The following SEZ6L variants were observed in gnomAD, a reference collection of about 807,000 sequenced individuals.
The protein encoded by SEZ6L is seizure related 6 homolog like.
Under a neutral mutation model 106.2 loss-of-function variants are expected in SEZ6L, and 37 were observed. That is an observed-to-expected ratio of 0.35 (90% confidence interval 0.27 to 0.46). SEZ6L has a LOEUF of 0.46. Among genes scored for constraint, SEZ6L ranks in the 20% least tolerant of loss-of-function variants. The probability of loss-of-function intolerance (pLI) is 1.00; values close to 1 mark genes in which losing one functional copy is unlikely to be tolerated. For synonymous variants in SEZ6L, 541 were observed against 570.4 expected (o/e 0.95, Z 0.73); for missense variants, 1,172 against 1,332.8 (o/e 0.88, Z 1.88).
intron 1 of SEZ6L, among the ~76,000 whole-genome samples, chr22:26,186,211 G>A (rs567074062): frequency 1.3e-5 from 2 of 152,220 alleles, no homozygotes; most frequent in East Asian, 1.9e-4. Context: ...GGCTTGGCCA[G>A]AGATAAGTCC....
rs1010937310 is a variant in SEZ6L at position 26,306,282 on chromosome 22, G to T, written c.1514+138G>T. ...AAGAAGAGCTGGGGTGGATGGCAAA[G>T]ATCTTAGACACCATCAGCTTCAATC... is the stretch of plus-strand genomic sequence containing the variant. On this transcript the variant is annotated intron_variant, in intron 6 of 16. Transcript: ENST00000248933. 89 of 929,796 alleles carry T rather than the reference G, an allele frequency of 9.6e-5. 2 individuals are homozygous for T. In the Admixed American group the frequency reaches 1.4e-3, roughly 15 times the overall value. 57.6% of individuals were successfully genotyped at this position (929,796 alleles called of 1,614,324 possible).
intron 5 of SEZ6L, among the ~76,000 whole-genome samples, chr22:26,304,369 G>GAAGAAAAAGA (rs1556332060): frequency 3.1e-5 from 3 of 98,304 alleles, no homozygotes; most frequent in African/African-American, 8.8e-5. Flanking sequence ...AAAAAAGAAA[G>GAAGAAAAAGA]AAGAAAGAAA....
At chr22:26,337,043 C>T (rs1298751011) in intron 9 of SEZ6L, among the ~76,000 whole-genome samples, 1 of 152,152 alleles carries the variant, frequency 6.6e-6, no homozygotes. Context: ...TGCCCAGGTG[C>T]TAATGCTGAA....
At chr22:26,332,453 A>ATTT (rs368247917) in intron 9 of SEZ6L, among the ~76,000 whole-genome samples, 36 of 145,968 alleles carry the variant, frequency 2.5e-4, no homozygotes, top group East Asian at 8.1e-4. Context: ...CCCAGTCCAG[A>ATTT]TTTTTTTTTT....
chr22:26,339,957 G>A (rs956381369), intron 9 of SEZ6L, among the ~76,000 whole-genome samples: 7 of 152,144 alleles, frequency 4.6e-5, no homozygotes, highest in Non-Finnish European at 8.8e-5. Flanking sequence ...ACTGACGGCC[G>A]GGCACAGTGA....
intron 13 of SEZ6L, among the ~76,000 whole-genome samples, chr22:26,372,885 T>C (rs1159909485): frequency 6.6e-6 from 1 of 152,240 alleles, no homozygotes; most frequent in African/African-American, 2.4e-5. Context: ...GGAAAACAGT[T>C]CCACCTCTGG....
At chr22:26,273,282 C>T (rs1473799058) in intron 1 of SEZ6L, among the ~76,000 whole-genome samples, 2 of 152,274 alleles carry the variant, frequency 1.3e-5, no homozygotes, top group Non-Finnish European at 2.9e-5. Flanking sequence ...GGCATCATGC[C>T]TGTGAAGGGG....
intron 1 of SEZ6L, among the ~76,000 whole-genome samples, chr22:26,189,541 A>C (rs1940030841): frequency 5.9e-5 from 9 of 152,248 alleles, no homozygotes; most frequent in Admixed American, 5.9e-4. Context: ...ATGATAGAAA[A>C]TAATACAAAC....
At chr22:26,229,726 C>A (rs908184548) in intron 1 of SEZ6L, among the ~76,000 whole-genome samples, 1 of 152,066 alleles carries the variant, frequency 6.6e-6, no homozygotes, top group Admixed American at 6.5e-5. Flanking sequence ...GGGGATGGGA[C>A]CTGGAAGCAG....
chr22:26,305,883 C>G, intron 5 of SEZ6L, 96 bp from the exon 6 acceptor site: 2,536 of 1,122,920 alleles, frequency 2.3e-3, no homozygotes, highest in Non-Finnish European at 2.9e-3. Flanking sequence ...GAAACACTCA[C>G]TTCCTTCTCT....
intron 2 of SEZ6L, 107 bp downstream of exon 2, chr22:26,293,253 A>C: frequency 7.8e-6 from 11 of 1,403,286 alleles, no homozygotes; most frequent in Non-Finnish European, 1.0e-5. Context: ...CCCCACCATC[A>C]GTTACCGTCC....
At chr22:26,191,398 T>C (rs1424401135) in intron 1 of SEZ6L, among the ~76,000 whole-genome samples, 1 of 152,194 alleles carries the variant, frequency 6.6e-6, no homozygotes, top group African/African-American at 2.4e-5. Context: ...TGGAATACTA[T>C]GCAGCCATAA....
intron 9 of SEZ6L, among the ~76,000 whole-genome samples, chr22:26,333,455 C>T (rs544385011): frequency 6.6e-6 from 1 of 152,294 alleles, no homozygotes; most frequent in Non-Finnish European, 1.5e-5. Flanking sequence ...GCAGCCAGGG[C>T]ACTGGCTGAG....
chr22:26,304,265 T>C (rs1277612510), intron 5 of SEZ6L, among the ~76,000 whole-genome samples: 2 of 151,258 alleles, frequency 1.3e-5, no homozygotes, highest in African/African-American at 2.4e-5. Context: ...GGCAGGAGAA[T>C]CACTTGAACC....
rs71695224 is a variant in SEZ6L at position 26,314,597 on chromosome 22, G to GA, written c.2015+703dup. Among the ~76,000 whole-genome samples the GA allele has an allele frequency of 5.3e-3, 806 of 152,016 alleles. 2 individuals carry two copies. The highest frequency in any genetic ancestry group is 0.011 in the African/African-American group (451 of 41,422). ...GATGCTCAGGAAATGATTGCTGAAT[G>GA]AAAAAAAATGTTTTTAATGAACGGA... On this transcript the variant is annotated intron_variant, in intron 9 of 16. Transcript: ENST00000248933.
At chr22:26,289,582 A>G (rs1184274969) in intron 1 of SEZ6L, among the ~76,000 whole-genome samples, 3 of 152,194 alleles carry the variant, frequency 2.0e-5, no homozygotes, top group African/African-American at 7.2e-5. Flanking sequence ...CCCTCATGCC[A>G]TCCACTCACG....
At chr22:26,261,325 G>A (rs2079998144) in intron 1 of SEZ6L, among the ~76,000 whole-genome samples, 1 of 152,120 alleles carries the variant, frequency 6.6e-6, no homozygotes, top group South Asian at 2.1e-4. Context: ...ATGTCTAGAA[G>A]GGTTATTCGA....
intron 1 of SEZ6L, among the ~76,000 whole-genome samples, chr22:26,240,296 G>A (rs544895237): frequency 6.6e-6 from 1 of 152,122 alleles, no homozygotes; most frequent in Non-Finnish European, 1.5e-5. Flanking sequence ...TGGAAGGAGA[G>A]TCCCATTCAT....
At chr22:26,185,334 G>A (rs1156446609) in intron 1 of SEZ6L, among the ~76,000 whole-genome samples, 3 of 152,182 alleles carry the variant, frequency 2.0e-5, no homozygotes, top group Admixed American at 2.0e-4. Flanking sequence ...ACCACCCAGT[G>A]AGAGTCAGAG....
Sources: gnomAD v4.1 joint callset for allele counts (sites outside exome capture counted in the v4.1 genomes callset) on GRCh38, gnomAD v4.1.1 for gene constraint, MANE v1.5 for transcripts, NCBI Gene and HGNC (gene_info 2026-07-23, HGNC 2026-07-21) for gene names.